Variants in RAB11FIP5 observed in about 807,000 individuals in gnomAD.
The protein encoded by RAB11FIP5 is rab11 family-interacting protein 5.
Under a neutral mutation model 85.1 loss-of-function variants are expected in RAB11FIP5, and 48 were observed. That is an observed-to-expected ratio of 0.56 (90% confidence interval 0.45 to 0.72). The LOEUF (loss-of-function observed/expected upper bound fraction) is 0.72, where lower values mean the gene tolerates loss of function less well. Ranked by LOEUF, RAB11FIP5 falls within the 30% of genes least tolerant of loss-of-function variation. The probability of loss-of-function intolerance (pLI) is 0.00; values close to 1 mark genes in which losing one functional copy is unlikely to be tolerated. For synonymous variants in RAB11FIP5, 729 were observed against 727.3 expected (o/e 1.00, Z -0.04); for missense variants, 1,491 against 1,687.0 (o/e 0.88, Z 2.04).
rs556041019 is a variant in RAB11FIP5 at position 73,085,984 on chromosome 2, T to C, written c.1568+2066A>G. ...GGGTCTAACCCACAGCTTCCTGCCA[T>C]GAGGCAGCCCACCTCTCCTTCTCTC... is the stretch of plus-strand genomic sequence containing the variant. On this transcript the variant is annotated intron_variant, in intron 3 of 5. Coordinates refer to ENST00000486777, the MANE Select transcript of RAB11FIP5 (RefSeq NM_001371272.1). Among the ~76,000 whole-genome samples, 6 of 152,256 alleles carry C rather than the reference T, an allele frequency of 3.9e-5. No individual in the cohort carries two copies. The South Asian group carries it at 1.2e-3, about 32-fold the overall frequency.
chr2:73,088,547 G>A lies in RAB11FIP5; in HGVS notation c.1071C>T (p.Ser357=), dbSNP rs1684139934. The A allele has an allele frequency of 1.2e-6, 2 of 1,613,800 alleles. No individual in the cohort carries two copies. Among genetic ancestry groups the A allele is most frequent in the African/African-American group, 2.7e-5 (2 of 74,954 alleles). The change falls in exon 3 of 6, where the codon TCC becomes TCT. Residue 357 remains serine (S), a synonymous_variant. Coordinates refer to ENST00000486777, the MANE Select transcript of RAB11FIP5 (RefSeq NM_001371272.1). The part of the protein sequence containing the change: ...EPQGPVRHRS[S]ISGSLPSSGS... Reference sequence around the variant, plus strand: ...CAGAGGATGGAAGCGAGCCCGAGATGGAGCTGCGGTGCCGCACAGGGCCCT... The same window carrying A: ...CAGAGGATGGAAGCGAGCCCGAGATAGAGCTGCGGTGCCGCACAGGGCCCT...
At chr2:73,099,051 CTT>C (rs1036385402) in intron 1 of RAB11FIP5, among the ~76,000 whole-genome samples, 1 of 105,824 alleles carries the variant, frequency 9.4e-6, no homozygotes, top group Non-Finnish European at 2.1e-5. Context: ...TTTCTTTTTT[CTT>C]TTTTTTTTTT....
In RAB11FIP5 at chr2:73,088,951, C is replaced by A. The variant is rs1318518471; in HGVS notation, c.796G>T (p.Ala266Ser). The change falls in exon 2 of 6, where the codon GCC becomes TCC. Residue 266 changes from alanine (A) to serine (S), a missense_variant. Transcript: ENST00000486777. The stretch of plus-strand genomic sequence containing the variant: ...AGTTCGGCGCCAGGTCCCTGGTAGG[C>A]CAAGCTCCCGCTGGCTGAGGACAGG... ...STLSSASGSL[A>S]YQGPGAELLT... The A allele has an allele frequency of 6.2e-7, 1 of 1,612,050 alleles. No individual in the cohort carries two copies. Among genetic ancestry groups the A allele is most frequent in the Non-Finnish European group, 8.5e-7 (1 of 1,178,948 alleles).
chr2:73,109,479 G>C (rs1684599941), intron 1 of RAB11FIP5, among the ~76,000 whole-genome samples: 1 of 152,174 alleles, frequency 6.6e-6, no homozygotes. Context: ...TGAGGAAGTG[G>C]GATAAGTAAC....
At chr2:73,095,724 C>A (rs1684305892) in intron 1 of RAB11FIP5, among the ~76,000 whole-genome samples, 1 of 152,190 alleles carries the variant, frequency 6.6e-6, no homozygotes, top group Admixed American at 6.5e-5. Context: ...AGCCTCCAAG[C>A]CCATGTCCTT....
chr2:73,087,585 T>G (rs1483569384), intron 3 of RAB11FIP5, among the ~76,000 whole-genome samples: 1 of 152,014 alleles, frequency 6.6e-6, no homozygotes, highest in Non-Finnish European at 1.5e-5. Flanking sequence ...CAGAGGGAAG[T>G]GATCACAGAG....
At chr2:73,092,905 T>G (rs971696245) in intron 1 of RAB11FIP5, among the ~76,000 whole-genome samples, 3 of 152,098 alleles carry the variant, frequency 2.0e-5, no homozygotes, top group Admixed American at 6.5e-5. Context: ...CCTGGCACCT[T>G]GGCCACCCTG....
At chr2:73,098,890 TC>T (rs977798601) in intron 1 of RAB11FIP5, among the ~76,000 whole-genome samples, 3 of 152,160 alleles carry the variant, frequency 2.0e-5, no homozygotes, top group African/African-American at 7.2e-5. Context: ...CGGATTATTT[TC>T]CTATCACATT....
In RAB11FIP5 at chr2:73,080,852, C is replaced by T. The variant is rs1683961751; in HGVS notation, c.2380G>A (p.Val794Met). 8.1e-7 allele frequency: 1 copy of T among 1,232,450 alleles called. No homozygotes were observed. Among genetic ancestry groups the T allele is most frequent in the Non-Finnish European group, 1.0e-6 (1 of 988,178 alleles). 76.3% of individuals were successfully genotyped at this position (1,232,450 alleles called of 1,614,324 possible). A position where few individuals can be genotyped will look rare whatever the true frequency, so the allele number is the denominator to read the frequency against. The change falls in exon 4 of 6, where the codon GTG becomes ATG. Residue 794 changes from valine (V) to methionine (M), a missense_variant. By Grantham distance (21) the Val-to-Met change is conservative (BLOSUM62 1). Around this residue, in one of 3 missense-constraint regions of RAB11FIP5, gnomAD observed 1,211 missense variants for 1,338.0 expected, o/e 0.91. Coordinates refer to ENST00000486777, the MANE Select transcript of RAB11FIP5 (RefSeq NM_001371272.1). ...GGCAGCCTCTCCCACACACTGATCA[C>T]TTCTGGGGAGCTAAATAGAGATGTC... ...SGTSLFSSPEVISVWERLPGP... is the reference protein window; with the variant it reads ...SGTSLFSSPEMISVWERLPGP...
At chr2:73,102,131 G>A (rs1684441614) in intron 1 of RAB11FIP5, among the ~76,000 whole-genome samples, 1 of 152,100 alleles carries the variant, frequency 6.6e-6, no homozygotes, top group South Asian at 2.1e-4. Context: ...GAGGGGGTAG[G>A]GAGACATTCC....
chr2:73,075,438 ACT>A lies in RAB11FIP5; in HGVS notation c.*81_*82del. 5 of 1,339,620 alleles carry A rather than the reference ACT, an allele frequency of 3.7e-6. No homozygotes were observed. The highest frequency in any genetic ancestry group is 5.4e-6 in the Non-Finnish European group (5 of 929,872). The allele number at this position is 1,339,620 out of a possible 1,614,324, so 83.0% of individuals were successfully genotyped here. On this transcript the variant is annotated 3_prime_UTR_variant, in exon 6 of 6. Transcript: ENST00000486777. This position sits in a 1 kb window ranked among gnomAD's most constrained non-coding sequence, Gnocchi z 4.6. ...GACAAGGCAAGACAGACGATGCCCC[ACT>A]GCAGATGAGAGAGTTCAGGAGGAGA... is the stretch of plus-strand genomic sequence containing the variant.
chr2:73,090,981 G>A (rs569153093), intron 1 of RAB11FIP5, among the ~76,000 whole-genome samples: 8 of 152,264 alleles, frequency 5.3e-5, no homozygotes, highest in Admixed American at 3.9e-4. Context: ...CGGTGGGGGC[G>A]TGGGTGGAGT....
chr2:73,080,381 C>T lies in RAB11FIP5; in HGVS notation c.2851G>A (p.Glu951Lys), dbSNP rs1050139247. 3 of 1,233,028 alleles carry T rather than the reference C, an allele frequency of 2.4e-6. No homozygotes were observed. In the African/African-American group the frequency reaches 4.7e-5, roughly 19 times the overall value. The allele number at this position is 1,233,028 out of a possible 1,614,324, so 76.4% of individuals were successfully genotyped here. Residue 951 changes from glutamate (E) to lysine (K), a missense_variant, in exon 4 of 6, where the codon GAG (glutamate) becomes AAG (lysine). Glu to Lys is a moderately conservative substitution (Grantham distance 56). Transcript: ENST00000486777. Reference sequence around the variant, plus strand: ...TCCGACTCACGCTTCTCTCCCTCCTCCTTGGTCTCCGGGGGACCGACAACC... The same window carrying T: ...TCCGACTCACGCTTCTCTCCCTCCTTCTTGGTCTCCGGGGGACCGACAACC... ...ALVVGPPETK[E>K]EGEKRESEES...
At position 73,081,365 on chromosome 2, in the gene RAB11FIP5, G is replaced by T. The variant is rs114642491; in HGVS notation, c.1867C>A (p.Pro623Thr). 6.8e-5 allele frequency: 84 copies of T among 1,232,978 alleles called. No individual in the cohort carries two copies. In the African/African-American group the frequency reaches 1.2e-3, roughly 18 times the overall value. The allele number at this position is 1,232,978 out of a possible 1,614,324, so 76.4% of individuals were successfully genotyped here. Reference sequence around the variant, plus strand: ...GAGGCACTGGGGAGAGAGGGAGCAGGTGAAGGAGAGTTTAGTGCTATGTCG... The same window carrying T: ...GAGGCACTGGGGAGAGAGGGAGCAGTTGAAGGAGAGTTTAGTGCTATGTCG... ...IADIALNSPS[P>T]APSLPSASRA... Residue 623 changes from proline to threonine, a missense_variant, in exon 4 of 6, where the codon CCT becomes ACT. Physicochemically the swap from Pro to Thr is conservative, Grantham distance 38 (BLOSUM62 -1). This residue lies in a region of RAB11FIP5 where 1,211 missense variants were observed against 1,338.0 expected (regional missense o/e 0.91). Transcript: ENST00000486777. This position sits in a 1 kb window ranked among gnomAD's most constrained non-coding sequence, Gnocchi z 4.2.
At position 73,088,898 on chromosome 2, in the gene RAB11FIP5, G is replaced by A; in HGVS notation, c.849C>T (p.Ser283=). The change falls in exon 2 of 6, where the codon AGC becomes AGT. Residue 283 remains serine, a synonymous_variant. Transcript: ENST00000486777. ...GCTCACCCCCTTCAGTGGACAGCCA[G>A]CTGCTACGGCTTGGTGAGCGGGTGA... ...ELLTRSPSRS[S]WLSTEGGRDS... The A allele has an allele frequency of 6.3e-7, 1 of 1,582,058 alleles. No individual in the cohort carries two copies. Among genetic ancestry groups the A allele is most frequent in the Non-Finnish European group, 8.6e-7 (1 of 1,163,752 alleles).
At position 73,112,677 on chromosome 2, in the gene RAB11FIP5, T is replaced by C; in HGVS notation, c.101A>G (p.Lys34Arg). 6.3e-7 allele frequency: 1 copy of C among 1,590,594 alleles called. No homozygotes were observed. Among genetic ancestry groups the C allele is most frequent in the Non-Finnish European group, 8.5e-7 (1 of 1,170,518 alleles). ...GCTGGTGCTGCCCGCTCCCGAGCTC[T>C]TGCCCCGCAGCCCGCGGGCCCGCAG... ...TVLRARGLRG[K>R]SSGAGSTSDA... Residue 34 changes from lysine (K) to arginine (R), a missense_variant, in exon 1 of 6, where the codon AAG (lysine) becomes AGG (arginine). By Grantham distance (26) the Lys-to-Arg change is conservative. Transcript: ENST00000486777.
intron 1 of RAB11FIP5, among the ~76,000 whole-genome samples, chr2:73,107,963 G>A (rs750659950): frequency 1.8e-4 from 28 of 152,206 alleles, no homozygotes; most frequent in Non-Finnish European, 3.1e-4. Flanking sequence ...TGTGGGCTAC[G>A]GGATAGATGG....
intron 3 of RAB11FIP5, 79 bp downstream of exon 3, chr2:73,087,971 C>T: frequency 7.2e-7 from 1 of 1,380,120 alleles, no homozygotes; most frequent in Non-Finnish European, 9.9e-7. Flanking sequence ...TCTACTCCTT[C>T]CTCCCTGCCC....
At chr2:73,107,551 G>T (rs1205925065) in intron 1 of RAB11FIP5, among the ~76,000 whole-genome samples, 2 of 152,156 alleles carry the variant, frequency 1.3e-5, no homozygotes. Flanking sequence ...CAGGGCTCAG[G>T]GCCAGGGGCA....
Sources: allele counts gnomAD v4.1 joint callset (sites outside exome capture counted in the v4.1 genomes callset), GRCh38; gene constraint gnomAD v4.1.1; regional missense constraint gnomAD v4.1.1; non-coding constraint Gnocchi (gnomAD v3.1); transcripts MANE v1.5; gene names NCBI Gene and HGNC (gene_info 2026-07-23, HGNC 2026-07-21).